NHSL2: variants seen among roughly 807,000 people sequenced by gnomAD.
NHSL2 encodes NHS-like protein 2.
NHSL2 carries 27 observed loss-of-function variants against 53.4 expected under a neutral mutation model. That is an observed-to-expected ratio of 0.51 (90% confidence interval 0.37 to 0.70). The LOEUF (loss-of-function observed/expected upper bound fraction) is 0.70, where lower values mean the gene tolerates loss of function less well. Among genes scored for constraint, NHSL2 ranks in the 30% least tolerant of loss-of-function variants. The pLI is 0.00. For missense variants in NHSL2, 892 were observed against 980.1 expected (o/e 0.91, Z 1.20); for synonymous variants, 408 against 404.1 (o/e 1.01, Z -0.12).
intron 1 of NHSL2, among the ~76,000 whole-genome samples, chrX:72,122,035 A>G (rs1234116003): frequency 7.1e-5 from 8 of 112,613 alleles, no homozygotes; most frequent in African/African-American, 2.6e-4. Flanking sequence ...TTATGAAAGT[A>G]GTAACACAAC....
At chrX:72,132,341 G>C in intron 2 of NHSL2, 107 bp downstream of exon 2, 1 of 725,788 alleles carries the variant, frequency 1.4e-6, no homozygotes, top group Non-Finnish European at 2.0e-6. Flanking sequence ...TAAAGACAGA[G>C]AGTTTAAAAA....
rs1409190259 is a variant in NHSL2, at chrX:71,990,122, G to T, written c.280+78755G>T. ...TGCTTTGGAGTGGGGGACAAAAAGAGTTCGGGGGCGGAGAATGTATTTTAG... is the reference window on the plus strand; with the variant it reads ...TGCTTTGGAGTGGGGGACAAAAAGATTTCGGGGGCGGAGAATGTATTTTAG... On this transcript the variant is annotated intron_variant, in intron 1 of 7. Coordinates refer to ENST00000633930, the MANE Select transcript of NHSL2 (RefSeq NM_001013627.3). 4.5e-5 allele frequency among the ~76,000 whole-genome samples: 5 copies of T among 111,964 alleles called. No homozygotes were observed. In the South Asian group the frequency reaches 1.9e-3, roughly 42 times the overall value.
intron 1 of NHSL2, among the ~76,000 whole-genome samples, chrX:71,976,939 G>A (rs1306778769): frequency 8.9e-6 from 1 of 112,490 alleles, no homozygotes; most frequent in African/African-American, 3.2e-5. Flanking sequence ...GGGTGGGTTG[G>A]GGCCAGGATA....
At chrX:71,924,232 G>A (rs2041673274) in intron 1 of NHSL2, among the ~76,000 whole-genome samples, 1 of 111,688 alleles carries the variant, frequency 9.0e-6, no homozygotes, top group African/African-American at 3.3e-5. Context: ...AAAGCACAGA[G>A]TACTGAGGCA....
At chrX:71,957,336 G>C in intron 1 of NHSL2, among the ~76,000 whole-genome samples, 1 of 112,316 alleles carries the variant, frequency 8.9e-6, no homozygotes, top group Non-Finnish European at 1.9e-5. Flanking sequence ...GCACGATCTC[G>C]GCTCACTGCG....
At chrX:71,937,584 A>G (rs1379091049) in intron 1 of NHSL2, among the ~76,000 whole-genome samples, 8 of 112,281 alleles carry the variant, frequency 7.1e-5, no homozygotes, top group Admixed American at 6.6e-4. Context: ...ATGATCTAGA[A>G]CATTGCTAAA....
intron 1 of NHSL2, among the ~76,000 whole-genome samples, chrX:71,917,233 TCCTCCCTCCCTTCCTCTCTCCCTCCCC>T (rs1464158353): frequency 9.8e-6 from 1 of 101,834 alleles, no homozygotes; most frequent in Non-Finnish European, 2.0e-5. Flanking sequence ...AGGCAGCTCT[TCCTCCCTCCCTTCCTCTCTCCCTCCCC>T]CCTCCCTCCC....
In NHSL2 at chrX:72,134,531, A is replaced by G. The variant is rs2042338113; in HGVS notation, c.587A>G (p.Glu196Gly). ...ILMPTKRQLSEDETTTQGVRA... is the reference protein window; with the variant it reads ...ILMPTKRQLSGDETTTQGVRA... Reference sequence around the variant, plus strand: ...CAGCCTACAAAACGGCAGCTGAGCGAGGATGAGACTACCACCCAGGGTGTG... The same window carrying G: ...CAGCCTACAAAACGGCAGCTGAGCGGGGATGAGACTACCACCCAGGGTGTG... Residue 196 changes from glutamate (E) to glycine (G), a missense_variant, in exon 4 of 8, where the codon GAG (glutamate) becomes GGG (glycine). Transcript: ENST00000633930. The G allele has an allele frequency of 8.6e-7, 1 of 1,166,019 alleles. No homozygotes were observed. Among genetic ancestry groups the G allele is most frequent in the African/African-American group, 1.8e-5 (1 of 56,040 alleles).
At chrX:72,077,905 T>C (rs755453428) in intron 1 of NHSL2, among the ~76,000 whole-genome samples, 38 of 112,425 alleles carry the variant, frequency 3.4e-4, no homozygotes, top group Admixed American at 3.4e-3. Flanking sequence ...AGAAAGGCCA[T>C]AGGAGGACTG....
intron 1 of NHSL2, among the ~76,000 whole-genome samples, chrX:71,955,425 C>G (rs1177656643): frequency 1.8e-5 from 2 of 109,715 alleles, no homozygotes; most frequent in Non-Finnish European, 3.8e-5. Context: ...AGAGAGTGAT[C>G]ACTCTCTCTT....
chrX:71,971,119 TTAAG>T (rs1182568690), intron 1 of NHSL2, among the ~76,000 whole-genome samples: 2 of 111,921 alleles, frequency 1.8e-5, no homozygotes, highest in East Asian at 2.7e-4. Context: ...TTGTTTTGCA[TTAAG>T]TATTTTCTAG....
At chrX:71,930,301 G>C (rs1404250102) in intron 1 of NHSL2, among the ~76,000 whole-genome samples, 2 of 111,932 alleles carry the variant, frequency 1.8e-5, no homozygotes, top group East Asian at 2.8e-4. Context: ...GTTCTTTTTG[G>C]CTGGAACACT....
intron 1 of NHSL2, among the ~76,000 whole-genome samples, chrX:72,094,245 G>GA (rs1322426081): frequency 6.2e-5 from 7 of 112,054 alleles, no homozygotes; most frequent in African/African-American, 2.3e-4. Flanking sequence ...GAAACTCTGA[G>GA]ACAGGTGAAT....
intron 1 of NHSL2, among the ~76,000 whole-genome samples, chrX:71,942,635 A>G (rs746690162): frequency 5.3e-5 from 6 of 112,923 alleles, no homozygotes; most frequent in Admixed American, 9.3e-5. Context: ...GTTTAAAGCC[A>G]TGTAAAGTTT....
rs754853510 is a variant in NHSL2 at position 72,140,557 on chromosome X, C to T, written c.3009C>T (p.Pro1003=). The T allele has an allele frequency of 6.0e-5, 73 of 1,209,635 alleles. No homozygotes were observed. Among genetic ancestry groups the T allele is most frequent in the African/African-American group, 1.9e-4 (11 of 57,238 alleles). Residue 1003 remains proline (P), a synonymous_variant, in exon 6 of 8, where the codon CCC becomes CCT. Coordinates refer to ENST00000633930, the MANE Select transcript of NHSL2 (RefSeq NM_001013627.3). ...AEKKKGKIPP[P]VPKKPSVLYL... is the part of the protein sequence containing the mutation. The stretch of plus-strand genomic sequence containing the variant: ...AAAAGAAAGGCAAGATTCCACCTCC[C>T]GTACCAAAAAAACCCAGCGTGCTGT...
intron 1 of NHSL2, among the ~76,000 whole-genome samples, chrX:72,015,425 G>T (rs942026676): frequency 1.2e-4 from 14 of 112,431 alleles, no homozygotes; most frequent in Admixed American, 3.8e-4. Flanking sequence ...CTTTTAGGTT[G>T]TTTCTTAATT....
intron 1 of NHSL2, among the ~76,000 whole-genome samples, chrX:71,999,068 T>G (rs2042061912): frequency 8.9e-6 from 1 of 112,263 alleles, no homozygotes; most frequent in African/African-American, 3.2e-5. Flanking sequence ...ATGAGAAGCC[T>G]CCCTCAACCT....
chrX:72,087,578 T>A (rs1287656608), intron 1 of NHSL2, among the ~76,000 whole-genome samples: 1 of 112,786 alleles, frequency 8.9e-6, no homozygotes, highest in African/African-American at 3.2e-5. Flanking sequence ...TGGAATAAGA[T>A]TTAAAAGTTG....
intron 1 of NHSL2, chrX:72,129,844 C>G: frequency 3.4e-6 from 4 of 1,189,841 alleles, no homozygotes; most frequent in Non-Finnish European, 4.5e-6. Context: ...AACTCGAATT[C>G]GGCCACGAGC....
Sources: allele counts gnomAD v4.1 joint callset (sites outside exome capture counted in the v4.1 genomes callset), GRCh38; gene constraint gnomAD v4.1.1; transcripts MANE v1.5; gene names NCBI Gene and HGNC (gene_info 2026-07-23, HGNC 2026-07-21).